PHGDH: variants seen among roughly 807,000 people sequenced by gnomAD.
The protein encoded by PHGDH is D-3-phosphoglycerate dehydrogenase.
A neutral mutation model predicts 52.6 loss-of-function variants in PHGDH; 50 were observed. The ratio of observed to expected loss-of-function variants is 0.95; its 90% confidence interval spans 0.76 to 1.20. The LOEUF is 1.20. Among genes scored for constraint, PHGDH ranks in the 50% most tolerant of loss-of-function variants. The pLI is 0.00. For missense variants in PHGDH, 630 were observed against 684.6 expected (o/e 0.92, Z 0.89); for synonymous variants, 271 against 280.5 (o/e 0.97, Z 0.34).
chr1:119,732,250 T>C (rs182201834), intron 5 of PHGDH, among the ~76,000 whole-genome samples: 615 of 152,342 alleles, frequency 4.0e-3, no homozygotes, highest in Middle Eastern at 6.8e-3. Context: ...GGCTGTCTTC[T>C]GTGACCTCAG....
At chr1:119,720,395 T>C (rs942835) in intron 1 of PHGDH, 36,797 of 152,156 alleles carry the variant, frequency 0.24, 5,755 homozygotes, top group African/African-American at 0.44. Context: ...CAACATTCGT[T>C]TCATTCATTA....
chr1:119,721,878 G>C (rs990730036), intron 2 of PHGDH, among the ~76,000 whole-genome samples: 1 of 152,202 alleles, frequency 6.6e-6, no homozygotes, highest in Admixed American at 6.5e-5. Flanking sequence ...AGAGGAGAAG[G>C]GTCCCATTTA....
intron 2 of PHGDH, among the ~76,000 whole-genome samples, chr1:119,722,275 G>C (rs1030183326): frequency 6.6e-6 from 1 of 152,084 alleles, no homozygotes; most frequent in African/African-American, 2.4e-5. Flanking sequence ...GACAGACTCT[G>C]AGAGTCCGTT....
At chr1:119,720,962 C>G in intron 1 of PHGDH, 1 of 607,542 alleles carries the variant, frequency 1.6e-6, no homozygotes. Flanking sequence ...GAGGCACAGT[C>G]TCCTCCACTC....
At chr1:119,740,362 G>A (rs763824389) in intron 8 of PHGDH, 24 bp from the exon 9 acceptor site, 23 of 1,613,820 alleles carry the variant, frequency 1.4e-5, no homozygotes, top group Non-Finnish European at 1.9e-5. Context: ...CCTGACCACA[G>A]CCCCGCTCCT....
At chr1:119,743,833 C>T (rs1571021947) in intron 11 of PHGDH, 53 bp from the exon 12 acceptor site, 21 of 1,397,892 alleles carry the variant, frequency 1.5e-5, no homozygotes, top group South Asian at 5.8e-5. Flanking sequence ...CCCAATCCCT[C>T]GCTCCTTTTT....
chr1:119,739,476 C>T (rs967788131), intron 8 of PHGDH: 9 of 152,214 alleles, frequency 5.9e-5, no homozygotes, highest in Admixed American at 3.3e-4. Context: ...GAGAGGCTCC[C>T]GTGAAGCCCG....
chr1:119,727,166 G>T, intron 5 of PHGDH, 64 bp downstream of exon 5: 1 of 981,168 alleles, frequency 1.0e-6, no homozygotes, highest in South Asian at 1.3e-5. Context: ...AAGGCAGCAT[G>T]TCTGGGCAGA....
At chr1:119,740,573 T>A in intron 9 of PHGDH, 55 bp downstream of exon 9, 3 of 1,443,158 alleles carry the variant, frequency 2.1e-6, no homozygotes, top group Non-Finnish European at 2.9e-6. Context: ...GAGTGTGGGA[T>A]CTGCCCTGCT....
intron 7 of PHGDH, among the ~76,000 whole-genome samples, chr1:119,736,696 G>A (rs587638350): frequency 1.3e-5 from 2 of 152,326 alleles, no homozygotes; most frequent in South Asian, 2.1e-4. Context: ...GATGCAGGGG[G>A]GTGAGTTTCG....
chr1:119,740,598 C>T (rs918264600), intron 9 of PHGDH, 80 bp downstream of exon 9: 3 of 1,259,572 alleles, frequency 2.4e-6, no homozygotes, highest in African/African-American at 3.0e-5. Context: ...GTATTTGCTG[C>T]AGGACACAGG....
chr1:119,738,180 T>C (rs916980284), intron 8 of PHGDH, among the ~76,000 whole-genome samples: 1 of 151,646 alleles, frequency 6.6e-6, no homozygotes, highest in Non-Finnish European at 1.5e-5. Flanking sequence ...GGCCATGGAG[T>C]CAAAGGGTCA....
chr1:119,732,260 G>C (rs1651727214), intron 5 of PHGDH, among the ~76,000 whole-genome samples: 1 of 152,208 alleles, frequency 6.6e-6, no homozygotes, highest in Admixed American at 6.5e-5. Context: ...TGTGACCTCA[G>C]GCAGGTAGGA....
In PHGDH at chr1:119,734,675, C is replaced by G; in HGVS notation, c.552C>G (p.Ala184=). 1 of 1,614,138 alleles carries G rather than the reference C, an allele frequency of 6.2e-7. No individual in the cohort carries two copies. Among genetic ancestry groups the G allele is most frequent in the Non-Finnish European group, 8.5e-7 (1 of 1,179,980 alleles). ...CCATCATTTCCCCAGAGGTCTCGGCCTCCTTTGGTGTTCAGCAGCTGCCCC... is the reference window on the plus strand; with the variant it reads ...CCATCATTTCCCCAGAGGTCTCGGCGTCCTTTGGTGTTCAGCAGCTGCCCC... ...YDPIISPEVS[A]SFGVQQLPLE... Residue 184 remains alanine (A), a synonymous_variant, in exon 6 of 12, where the codon GCC becomes GCG. Transcript: ENST00000641023.
chr1:119,720,753 A>G (rs894815120), intron 1 of PHGDH: 4 of 244,700 alleles, frequency 1.6e-5, no homozygotes, highest in African/African-American at 8.9e-5. Flanking sequence ...AGGAACTCCC[A>G]TTTTGAGCAA....
In PHGDH at chr1:119,742,810, A is replaced by G; in HGVS notation, c.1213A>G (p.Thr405Ala). The G allele has an allele frequency of 6.2e-7, 1 of 1,600,518 alleles. No homozygotes were observed. The highest frequency in any genetic ancestry group is 8.5e-7 in the Non-Finnish European group (1 of 1,171,536). Residue 405 changes from threonine to alanine, a missense_variant, in exon 11 of 12, where the codon ACC (threonine) becomes GCC (alanine). Transcript: ENST00000641023. ...TCACCTTGCCTTCTCCACACAGGTC[A>G]CCACCTCCCACAGCCCTGCTGCACC... ...LLVKEAGLNV[T>A]TSHSPAAPGE...
At chr1:119,716,072 G>A (rs1650920816) in intron 1 of PHGDH, among the ~76,000 whole-genome samples, 1 of 152,146 alleles carries the variant, frequency 6.6e-6, no homozygotes, top group Admixed American at 6.5e-5. Flanking sequence ...CAGGAGGTAG[G>A]TTGGATTCAG....
At chr1:119,728,143 C>T (rs1651530219) in intron 5 of PHGDH, among the ~76,000 whole-genome samples, 1 of 152,144 alleles carries the variant, frequency 6.6e-6, no homozygotes, top group Admixed American at 6.5e-5. Context: ...AAGTTCCCTA[C>T]TGAAGATAGC....
chr1:119,727,619 G>C, intron 5 of PHGDH: 1 of 174,962 alleles, frequency 5.7e-6, no homozygotes, highest in Admixed American at 5.5e-5. Context: ...CATGAGGTCA[G>C]GAGATCAAGA....
Sources: allele counts gnomAD v4.1 joint callset (sites outside exome capture counted in the v4.1 genomes callset), GRCh38; gene constraint gnomAD v4.1.1; transcripts MANE v1.5; gene names NCBI Gene and HGNC (gene_info 2026-07-23, HGNC 2026-07-21).